The following FGGY variants were observed in gnomAD, a reference collection of about 807,000 sequenced individuals.
The protein encoded by FGGY is FGGY carbohydrate kinase domain containing.
In FGGY, 72 loss-of-function variants were observed where a neutral mutation model predicts 71.3. That is an observed-to-expected ratio of 1.01 (90% CI 0.84 to 1.23). The LOEUF (loss-of-function observed/expected upper bound fraction) is 1.23. FGGY is among the 50% of genes most tolerant of loss of function. The pLI is 0.00. For synonymous variants in FGGY, 251 were observed against 250.3 expected (o/e 1.00, Z -0.02); for missense variants, 668 against 682.3 (o/e 0.98, Z 0.23).
chr1:59,310,237 G>A (rs1046357292), intron 1 of FGGY: 8 of 152,184 alleles, frequency 5.3e-5, no homozygotes, highest in Non-Finnish European at 8.8e-5. Context: ...TGTGGATTTC[G>A]GCCAATATGC....
At chr1:59,517,995 G>A (rs2094713016) in intron 7 of FGGY, among the ~76,000 whole-genome samples, 3 of 152,080 alleles carry the variant, frequency 2.0e-5, no homozygotes, top group South Asian at 2.1e-4. Flanking sequence ...ACCAAGTTTC[G>A]GCCAAGAGCA....
At chr1:59,550,779 G>T (rs1353398994) in intron 7 of FGGY, among the ~76,000 whole-genome samples, 1 of 152,090 alleles carries the variant, frequency 6.6e-6, no homozygotes, top group Non-Finnish European at 1.5e-5. Flanking sequence ...CATTATGTAA[G>T]ACAATTATAA....
intron 14 of FGGY, among the ~76,000 whole-genome samples, chr1:59,746,611 C>A (rs2098200280): frequency 6.6e-6 from 1 of 152,112 alleles, no homozygotes; most frequent in Non-Finnish European, 1.5e-5. Context: ...TCTCAGTCAG[C>A]CTTCTGAGTA....
At chr1:59,666,142 G>A (rs937606593) in intron 12 of FGGY, among the ~76,000 whole-genome samples, 1 of 152,042 alleles carries the variant, frequency 6.6e-6, no homozygotes, top group African/African-American at 2.4e-5. Context: ...TGCCATCTGT[G>A]GAGACACATT....
chr1:59,638,091 A>C, intron 10 of FGGY, 137 bp from the exon 11 acceptor site: 1 of 780,212 alleles, frequency 1.3e-6, no homozygotes, highest in Non-Finnish European at 2.1e-6. Context: ...TTGAGAGTAC[A>C]GTGGGCTAGC....
At chr1:59,510,040 C>CT (rs10608143) in intron 6 of FGGY, among the ~76,000 whole-genome samples, 2,646 of 139,892 alleles carry the variant, frequency 0.019, 54 homozygotes, top group African/African-American at 0.048. Flanking sequence ...TTTCTTTTTT[C>CT]TTTTTTTTTT....
chr1:59,416,312 C>A (rs1435217288), intron 5 of FGGY, among the ~76,000 whole-genome samples: 2 of 152,038 alleles, frequency 1.3e-5, no homozygotes, highest in Non-Finnish European at 2.9e-5. Flanking sequence ...AGTAGATACA[C>A]AATCTGTCTG....
At position 59,470,681 on chromosome 1, in the gene FGGY, T is replaced by C. The variant is rs76885352; in HGVS notation, c.670+13605T>C. 3.8e-3 allele frequency among the ~76,000 whole-genome samples: 572 copies of C among 152,330 alleles called. 3 individuals carry two copies. Among genetic ancestry groups the C allele is most frequent in the African/African-American group, 0.012 (510 of 41,584 alleles). On this transcript the variant is annotated intron_variant, in intron 6 of 15. Transcript: ENST00000303721. ...AGAGGTTTCCACCAACAACATGCATTATGTCCAGTGCTGGAAGCCTGAATC... is the reference window on the plus strand; with the variant it reads ...AGAGGTTTCCACCAACAACATGCATCATGTCCAGTGCTGGAAGCCTGAATC...
At chr1:59,489,309 G>C (rs1263122810) in intron 6 of FGGY, among the ~76,000 whole-genome samples, 8 of 152,046 alleles carry the variant, frequency 5.3e-5, no homozygotes, top group Non-Finnish European at 1.2e-4. Flanking sequence ...TAGAATACTA[G>C]AACTTATTAC....
intron 4 of FGGY, among the ~76,000 whole-genome samples, chr1:59,354,672 T>C (rs1483612491): frequency 6.6e-6 from 1 of 152,136 alleles, no homozygotes; most frequent in Non-Finnish European, 1.5e-5. Flanking sequence ...GTCTCCTGTG[T>C]GAGAGGCACT....
At position 59,440,746 on chromosome 1, in the gene FGGY, C is replaced by T. The variant is rs145426910; in HGVS notation, c.555-16215C>T. 3.5e-3 allele frequency among the ~76,000 whole-genome samples: 520 copies of T among 150,226 alleles called. 4 individuals are homozygous for T. The highest frequency in any genetic ancestry group is 0.012 in the African/African-American group (484 of 40,712). On this transcript the variant is annotated intron_variant, in intron 5 of 15. Transcript: ENST00000303721. ...GCTATGATAGGAAGCAATTAAGGCACAGTGGAGGGGCGAATAACACACCTT... is the reference window on the plus strand; with the variant it reads ...GCTATGATAGGAAGCAATTAAGGCATAGTGGAGGGGCGAATAACACACCTT...
At chr1:59,679,823 T>A (rs1264435996) in intron 14 of FGGY, among the ~76,000 whole-genome samples, 1 of 152,128 alleles carries the variant, frequency 6.6e-6, no homozygotes, top group East Asian at 1.9e-4. Context: ...TTCTACCTAA[T>A]AGAATATATT....
chr1:59,341,428 A>G (rs1460746280), intron 3 of FGGY, among the ~76,000 whole-genome samples: 4 of 152,216 alleles, frequency 2.6e-5, no homozygotes, highest in African/African-American at 9.6e-5. Flanking sequence ...ACTATAAATA[A>G]TCATAATCAC....
At chr1:59,463,997 G>T (rs975547378) in intron 6 of FGGY, among the ~76,000 whole-genome samples, 2 of 152,180 alleles carry the variant, frequency 1.3e-5, no homozygotes. Flanking sequence ...CTTGAATTCA[G>T]CTCTGCACCA....
intron 14 of FGGY, among the ~76,000 whole-genome samples, chr1:59,696,286 A>G (rs1223564822): frequency 3.3e-5 from 5 of 152,228 alleles, no homozygotes; most frequent in Admixed American, 1.3e-4. Context: ...AATAGATACT[A>G]GAAAAGTACC....
chr1:59,298,663 A>G (rs2042319475), intron 1 of FGGY, among the ~76,000 whole-genome samples: 1 of 152,020 alleles, frequency 6.6e-6, no homozygotes, highest in East Asian at 1.9e-4. Context: ...ACAGTCAATT[A>G]CCAGCTGGTT....
At chr1:59,371,927 A>G (rs994964935) in intron 4 of FGGY, among the ~76,000 whole-genome samples, 1 of 152,226 alleles carries the variant, frequency 6.6e-6, no homozygotes, top group Non-Finnish European at 1.5e-5. Context: ...AGGGAAATTT[A>G]TAGCACTAAA....
At chr1:59,538,562 T>G (rs575246503) in intron 7 of FGGY, among the ~76,000 whole-genome samples, 2 of 139,424 alleles carry the variant, frequency 1.4e-5, no homozygotes, top group African/African-American at 3.1e-5. Flanking sequence ...TATTGTGGCA[T>G]TATTCACAAT....
chr1:59,587,908 T>C (rs1269428088), intron 8 of FGGY, among the ~76,000 whole-genome samples: 7 of 152,148 alleles, frequency 4.6e-5, no homozygotes, highest in South Asian at 2.1e-4. Flanking sequence ...CTCCAAAGGA[T>C]CGCAGTTCCT....
Sources: allele counts gnomAD v4.1 joint callset (sites outside exome capture counted in the v4.1 genomes callset), GRCh38; gene constraint gnomAD v4.1.1; transcripts MANE v1.5; gene names NCBI Gene and HGNC (gene_info 2026-07-23, HGNC 2026-07-21).